The following DPH1 variants were observed in gnomAD, a reference collection of about 807,000 sequenced individuals.
The protein encoded by DPH1 is 2-(3-amino-3-carboxypropyl)histidine synthase subunit 1.
A neutral mutation model predicts 55.3 loss-of-function variants in DPH1; 59 were observed. The observed-to-expected ratio is 1.07, with a 90% CI of 0.87 to 1.33. The LOEUF (loss-of-function observed/expected upper bound fraction) is 1.33. DPH1 is among the 40% of genes most tolerant of loss of function. The probability of loss-of-function intolerance (pLI) is 0.00; values close to 1 mark genes in which losing one functional copy is unlikely to be tolerated. For synonymous variants in DPH1, 238 were observed against 235.5 expected, an observed-to-expected ratio of 1.01 and a Z score of -0.10; for missense variants, 628 against 584.8, an observed-to-expected ratio of 1.07 and a Z score of -0.76.
chr17:2,042,780 A>G lies in DPH1; in HGVS notation c.*194A>G, dbSNP rs548112943. ...TTGACGGCCTTCTTGGTTTCAGCCA[A>G]GGGGCTGCGCTAGCAGCCCTTGTGT... On this transcript the variant is annotated 3_prime_UTR_variant, in exon 13 of 13. Coordinates refer to ENST00000263083, the MANE Select transcript of DPH1 (RefSeq NM_001383.6). 1 of 1,611,692 alleles carries G rather than the reference A, an allele frequency of 6.2e-7. No individual in the cohort carries two copies. The highest frequency in any genetic ancestry group is 8.5e-7 in the Non-Finnish European group (1 of 1,179,200).
At chr17:2,041,688 GA>G in intron 11 of DPH1, 67 bp downstream of exon 11, 1 of 1,577,324 alleles carries the variant, frequency 6.3e-7, no homozygotes, top group Non-Finnish European at 8.6e-7. Flanking sequence ...CTGCGACCGC[GA>G]CGGGAAACGC....
chr17:2,036,425 CCAGG>C lies in DPH1; in HGVS notation c.401-102_401-99del. On this transcript the variant is annotated intron_variant, in intron 4 of 12. Coordinates refer to ENST00000263083, the MANE Select transcript of DPH1 (RefSeq NM_001383.6). The surrounding 1 kb of genome is among the most constrained non-coding windows in gnomAD (Gnocchi z 4.8). ...CTTCTCCTACCCTGTCCTTTTACCCCCAGGCTGAAGCCACTGCGCCTGGCTGCTC... is the reference window on the plus strand; with the variant it reads ...CTTCTCCTACCCTGTCCTTTTACCCCCTGAAGCCACTGCGCCTGGCTGCTC... 4.1e-6 allele frequency: 6 copies of C among 1,453,150 alleles called. No homozygotes were observed. The highest frequency in any genetic ancestry group is 5.7e-6 in the Non-Finnish European group (6 of 1,058,662). The allele number at this position is 1,453,150 out of a possible 1,614,324, so 90.0% of individuals were successfully genotyped here. A position where few individuals can be genotyped will look rare whatever the true frequency, so the allele number is the denominator to read the frequency against.
intron 6 of DPH1, 130 bp downstream of exon 6, chr17:2,037,086 A>G: frequency 1.5e-6 from 2 of 1,359,938 alleles, no homozygotes; most frequent in African/African-American, 1.5e-5. Flanking sequence ...GTCACACTGC[A>G]AGGTAGGGAC....
At chr17:2,035,695 C>T (rs1056657067) in intron 3 of DPH1, among the ~76,000 whole-genome samples, 5 of 152,090 alleles carry the variant, frequency 3.3e-5, no homozygotes, top group African/African-American at 1.2e-4. Flanking sequence ...CCACGTGTGC[C>T]GGAGTGAGGG....
At position 2,033,848 on chromosome 17, in the gene DPH1, G is replaced by C. The variant is rs2067365632; in HGVS notation, c.278+6G>C. ...ATTGTGGATATCTTGGAAAGGTGAGGCTTGGGGCACTGGAGAGGAGGGTGA... is the reference window on the plus strand; with the variant it reads ...ATTGTGGATATCTTGGAAAGGTGAGCCTTGGGGCACTGGAGAGGAGGGTGA... On this transcript the variant is annotated splice_donor_region_variant and intron_variant, in intron 3 of 12. Transcript: ENST00000263083. 1.2e-6 allele frequency: 2 copies of C among 1,613,922 alleles called. No individual in the cohort carries two copies. The highest frequency in any genetic ancestry group is 1.7e-6 in the Non-Finnish European group (2 of 1,180,034).
At chr17:2,042,219 A>C in intron 12 of DPH1, 1 of 1,427,702 alleles carries the variant, frequency 7.0e-7, no homozygotes, top group South Asian at 1.5e-5. Flanking sequence ...CGAGGGCGCC[A>C]GATCAGACTT....
Position 2,043,139 on chromosome 17 carries a change from T to A in DPH1, c.*553T>A. Reference sequence around the variant, plus strand: ...AAATGTCTCTGCTCCTACATCCAGCTCCTCTAGGGGCAGCCTCCGTCATCC... The same window carrying A: ...AAATGTCTCTGCTCCTACATCCAGCACCTCTAGGGGCAGCCTCCGTCATCC... On this transcript the variant is annotated 3_prime_UTR_variant, in exon 13 of 13. Coordinates refer to ENST00000263083, the MANE Select transcript of DPH1 (RefSeq NM_001383.6). 6.3e-7 allele frequency: 1 copy of A among 1,597,144 alleles called. No homozygotes were observed. Among genetic ancestry groups the A allele is most frequent in the South Asian group, 1.1e-5 (1 of 89,396 alleles).
chr17:2,042,178 G>A (rs529933360), intron 12 of DPH1: 1 of 1,451,576 alleles, frequency 6.9e-7, no homozygotes, highest in African/African-American at 1.5e-5. Context: ...TGCCTCAGCG[G>A]CCCGCACCCG....
chr17:2,038,840 C>A (rs2067465896), intron 6 of DPH1: 1 of 152,194 alleles, frequency 6.6e-6, no homozygotes, highest in Admixed American at 6.5e-5. Context: ...CTCTAGAACC[C>A]CAGGTGGCCT....
intron 6 of DPH1, among the ~76,000 whole-genome samples, chr17:2,038,183 G>A (rs146104584): frequency 1.3e-5 from 2 of 150,376 alleles, no homozygotes; most frequent in African/African-American, 2.4e-5. Flanking sequence ...AGAATTAGCT[G>A]GGTACAGTGT....
Position 2,036,718 on chromosome 17 carries a change from A to G in DPH1, c.558+32A>G, listed in dbSNP as rs200339013. 81 of 1,612,140 alleles carry G rather than the reference A, an allele frequency of 5.0e-5. No homozygotes were observed. In the African/African-American group the frequency reaches 9.1e-4, roughly 18 times the overall value. Reference sequence around the variant, plus strand: ...GGAACGAGGATCCTCGGCCTCCTGCAGGGTGGACAGCGGCCACTCTCCAGC... The same window carrying G: ...GGAACGAGGATCCTCGGCCTCCTGCGGGGTGGACAGCGGCCACTCTCCAGC... On this transcript the variant is annotated intron_variant, in intron 5 of 12. Coordinates refer to ENST00000263083, the MANE Select transcript of DPH1 (RefSeq NM_001383.6). This position sits in a 1 kb window ranked among gnomAD's most constrained non-coding sequence, Gnocchi z 4.8.
intron 3 of DPH1, among the ~76,000 whole-genome samples, chr17:2,035,620 GGT>G (rs1387843409): frequency 2.6e-5 from 4 of 152,066 alleles, no homozygotes; most frequent in African/African-American, 9.7e-5. Flanking sequence ...AGGACCTTTG[GGT>G]GTGTGTGCGT....
intron 1 of DPH1, among the ~76,000 whole-genome samples, chr17:2,032,336 C>T (rs758696187): frequency 3.3e-5 from 5 of 152,110 alleles, no homozygotes; most frequent in South Asian, 2.1e-4. Flanking sequence ...CCCCTTAGCC[C>T]CTGGTGTCAC....
intron 9 of DPH1, 99 bp downstream of exon 9, chr17:2,040,704 G>T: frequency 1.5e-6 from 2 of 1,375,836 alleles, no homozygotes; most frequent in Non-Finnish European, 2.1e-6. Flanking sequence ...TGCTTCCATG[G>T]TCATGGAATT....
rs766862540 is a variant in DPH1 at position 2,043,003 on chromosome 17, C to G, written c.*417C>G. On this transcript the variant is annotated 3_prime_UTR_variant, in exon 13 of 13. Coordinates refer to ENST00000263083, the MANE Select transcript of DPH1 (RefSeq NM_001383.6). ...GAGTGTGCAACTGGCCAGCCAATTT[C>G]CCGGAGCCATCACCCTCACCCACTC... 109 of 1,614,028 alleles carry G rather than the reference C, an allele frequency of 6.8e-5. No individual in the cohort carries two copies. The highest frequency in any genetic ancestry group is 9.1e-5 in the Non-Finnish European group (107 of 1,180,048).
chr17:2,041,907 T>C (rs76439887), intron 12 of DPH1, 32 bp downstream of exon 12: 182 of 1,544,340 alleles, frequency 1.2e-4, no homozygotes, highest in Non-Finnish European at 1.5e-4. Flanking sequence ...GCGCCCCGCC[T>C]TTTGCCGTTG....
At position 2,036,444 on chromosome 17, in the gene DPH1, C is replaced by T; in HGVS notation, c.401-85C>T. 6.5e-7 allele frequency: 1 copy of T among 1,549,446 alleles called. No homozygotes were observed. Among genetic ancestry groups the T allele is most frequent in the Non-Finnish European group, 8.8e-7 (1 of 1,134,820 alleles). The stretch of plus-strand genomic sequence containing the variant: ...TTACCCCCAGGCTGAAGCCACTGCG[C>T]CTGGCTGCTCAGAGACCTGAGCCTG... On this transcript the variant is annotated intron_variant, in intron 4 of 12. Transcript: ENST00000263083. This position sits in a 1 kb window ranked among gnomAD's most constrained non-coding sequence, Gnocchi z 4.8.
chr17:2,039,374 CTTT>C (rs550518816), intron 6 of DPH1: 17 of 142,532 alleles, frequency 1.2e-4, no homozygotes, highest in Non-Finnish European at 1.9e-4. Flanking sequence ...CTGTGGACTT[CTTT>C]TTTTTTTTTT....
chr17:2,040,528 C>G lies in DPH1; in HGVS notation c.930C>G (p.Ala310=), dbSNP rs1454966097. 6.2e-7 allele frequency: 1 copy of G among 1,614,216 alleles called. No homozygotes were observed. Among genetic ancestry groups the G allele is most frequent in the Admixed American group, 1.7e-5 (1 of 60,022 alleles). The change falls in exon 9 of 13, where the codon GCC becomes GCG. Residue 310 remains alanine (A), a synonymous_variant. Coordinates refer to ENST00000263083, the MANE Select transcript of DPH1 (RefSeq NM_001383.6). ...ILEHLESRLR[A]LGLSFVRLLL... is the part of the protein sequence containing the mutation. The stretch of plus-strand genomic sequence containing the variant: ...AGCACCTGGAATCTCGACTCCGAGC[C>G]TTGGGCCTTTCCTTTGTGAGGCTGC...
Sources: gnomAD v4.1 joint callset for allele counts (sites outside exome capture counted in the v4.1 genomes callset) on GRCh38, gnomAD v4.1.1 for gene constraint, Gnocchi (gnomAD v3.1) non-coding constraint, MANE v1.5 for transcripts, NCBI Gene and HGNC (gene_info 2026-07-23, HGNC 2026-07-21) for gene names.